Variants in CRCP observed in about 807,000 individuals in gnomAD.
CRCP encodes the protein DNA-directed RNA polymerase III subunit RPC9.
In CRCP, 18 loss-of-function variants were observed where a neutral mutation model predicts 18.5. The observed-to-expected ratio is 0.97, with a 90% confidence interval of 0.67 to 1.44. CRCP has a LOEUF of 1.44. CRCP is among the 40% of genes most tolerant of loss of function. CRCP has a pLI of 0.00. For missense variants in CRCP, 130 were observed against 176.4 expected (o/e 0.74, Z 1.49); for synonymous variants, 53 against 62.9 (o/e 0.84, Z 0.75).
chr7:66,152,286 G>C lies in CRCP; in HGVS notation c.376G>C (p.Ala126Pro), dbSNP rs748322865. 1 of 1,614,160 alleles carries C rather than the reference G, an allele frequency of 6.2e-7. No individual in the cohort carries two copies. Among genetic ancestry groups the C allele is most frequent in the South Asian group, 1.1e-5 (1 of 91,090 alleles). Residue 126 changes from alanine to proline, a missense_variant, in exon 6 of 6, where the codon GCA (alanine) becomes CCA (proline). Transcript: ENST00000395326. The part of the protein sequence containing the change: ...LLHTVTSILP[A>P]EPEAEQKKNT... ...CCACACCGTCACCAGCATTCTGCCT[G>C]CAGAGCCAGAGGCTGAGCAGAAGAA...
rs528131769 is a variant in CRCP, at chr7:66,151,312, G to GTAATCCCA, written c.298-895_298-888dup. 9.9e-5 allele frequency among the ~76,000 whole-genome samples: 15 copies of GTAATCCCA among 151,998 alleles called. No homozygotes were observed. In the East Asian group the frequency reaches 2.7e-3, roughly 27 times the overall value. ...GTGCCTGGCACAGTGGCTCACGCCT[G>GTAATCCCA]TAATCCCAGCACTTTGGGAGGCCAA... On this transcript the variant is annotated intron_variant, in intron 5 of 5. Coordinates refer to ENST00000395326, the MANE Select transcript of CRCP (RefSeq NM_014478.5).
intron 4 of CRCP, among the ~76,000 whole-genome samples, chr7:66,142,783 C>CTGG (rs1562770762): frequency 1.3e-5 from 2 of 152,302 alleles, no homozygotes; most frequent in East Asian, 3.9e-4. Context: ...AGATGTGAGC[C>CTGG]ACCGTGCCTG....
intron 1 of CRCP, among the ~76,000 whole-genome samples, chr7:66,115,514 A>C (rs1787232510): frequency 6.6e-6 from 1 of 152,104 alleles, no homozygotes; most frequent in African/African-American, 2.4e-5. Flanking sequence ...GTGAACCAGG[A>C]CTGGGACCAG....
At chr7:66,128,961 G>T (rs535257769) in intron 2 of CRCP, among the ~76,000 whole-genome samples, 1 of 152,170 alleles carries the variant, frequency 6.6e-6, no homozygotes, top group Non-Finnish European at 1.5e-5. Context: ...CACTTGGGAA[G>T]GCCAAGGAGA....
chr7:66,149,033 C>T (rs569248351), intron 5 of CRCP, among the ~76,000 whole-genome samples: 3 of 152,108 alleles, frequency 2.0e-5, no homozygotes, highest in Admixed American at 2.0e-4. Flanking sequence ...TTTTGGAGGT[C>T]GGCAACCCGG....
rs1787908272 is a variant in CRCP at position 66,134,393 on chromosome 7, T to C, written c.239+19T>C. On this transcript the variant is annotated intron_variant, in intron 4 of 5. Coordinates refer to ENST00000395326, the MANE Select transcript of CRCP (RefSeq NM_014478.5). ...TGACCAAGTAAGTAAATCTCTTAAG[T>C]AGGAAGAGCGTGACACATGGTGAAA... 1.3e-6 allele frequency: 2 copies of C among 1,511,194 alleles called. No homozygotes were observed. Among genetic ancestry groups the C allele is most frequent in the African/African-American group, 1.4e-5 (1 of 71,906 alleles). The allele number at this position is 1,511,194 out of a possible 1,614,324, so 93.6% of individuals were successfully genotyped here.
chr7:66,123,788 G>A (rs1037862991), intron 1 of CRCP, among the ~76,000 whole-genome samples: 2 of 149,270 alleles, frequency 1.3e-5, no homozygotes, highest in African/African-American at 4.9e-5. Flanking sequence ...CGCAGTGGCT[G>A]AGGCCTGTAA....
intron 5 of CRCP, among the ~76,000 whole-genome samples, chr7:66,146,536 T>C (rs1788304779): frequency 6.6e-6 from 1 of 152,230 alleles, no homozygotes; most frequent in African/African-American, 2.4e-5. Context: ...CTTAGCTCTT[T>C]GTCAAATTTC....
At chr7:66,120,193 GAAAAAA>G (rs199640381) in intron 1 of CRCP, among the ~76,000 whole-genome samples, 1 of 150,784 alleles carries the variant, frequency 6.6e-6, no homozygotes, top group East Asian at 1.9e-4. Flanking sequence ...CAAAAAAAAA[GAAAAAA>G]AGAAAAAGAA....
chr7:66,125,853 G>A (rs967541761), intron 1 of CRCP, among the ~76,000 whole-genome samples: 2 of 149,222 alleles, frequency 1.3e-5, no homozygotes, highest in Non-Finnish European at 1.5e-5. Context: ...ATTCCAGGAA[G>A]GGATGTTTTA....
At chr7:66,127,538 A>T (rs1787651744) in intron 1 of CRCP, among the ~76,000 whole-genome samples, 166 bp from the exon 2 acceptor site, 1 of 152,210 alleles carries the variant, frequency 6.6e-6, no homozygotes, top group Admixed American at 6.6e-5. Flanking sequence ...GCCCACAGCT[A>T]GCTAAACCAT....
intron 1 of CRCP, among the ~76,000 whole-genome samples, chr7:66,115,332 G>T (rs965553444): frequency 4.6e-5 from 7 of 152,196 alleles, no homozygotes; most frequent in African/African-American, 1.7e-4. Flanking sequence ...ATAAAGGCCT[G>T]AGTCTGTCCG....
At chr7:66,126,763 G>A in intron 1 of CRCP, 1 of 328,758 alleles carries the variant, frequency 3.0e-6, no homozygotes. Context: ...TAGTAGTAGT[G>A]ATAATGTTGG....
At chr7:66,125,786 C>T (rs550393271) in intron 1 of CRCP, among the ~76,000 whole-genome samples, 1 of 149,098 alleles carries the variant, frequency 6.7e-6, no homozygotes, top group Admixed American at 6.7e-5. Flanking sequence ...AGTGCACCTG[C>T]GATGGATCCA....
At chr7:66,146,734 T>G (rs1788309588) in intron 5 of CRCP, among the ~76,000 whole-genome samples, 1 of 152,178 alleles carries the variant, frequency 6.6e-6, no homozygotes, top group African/African-American at 2.4e-5. Context: ...AAGGGTGCCT[T>G]TCTCTGGGAA....
In CRCP at chr7:66,145,429, C is replaced by T. The variant is rs1449352574; in HGVS notation, c.240-14C>T. The T allele has an allele frequency of 6.2e-7, 1 of 1,613,654 alleles. No individual in the cohort carries two copies. The highest frequency in any genetic ancestry group is 1.7e-5 in the Admixed American group (1 of 60,008). On this transcript the variant is annotated splice_polypyrimidine_tract_variant and intron_variant, in intron 4 of 5. Coordinates refer to ENST00000395326, the MANE Select transcript of CRCP (RefSeq NM_014478.5). Reference sequence around the variant, plus strand: ...GGCTATGCGAGTTGTCAACGCTGTACTTTCCCTCCACAGAGCTGAGAAGCT... The same window carrying T: ...GGCTATGCGAGTTGTCAACGCTGTATTTTCCCTCCACAGAGCTGAGAAGCT...
Position 66,134,531 on chromosome 7 carries a change from A to G in CRCP, c.239+157A>G, listed in dbSNP as rs549748190. 1.6e-4 allele frequency: 76 copies of G among 482,428 alleles called. No homozygotes were observed. In the African/African-American group the frequency reaches 1.6e-3, roughly 10 times the overall value. The allele number at this position is 482,428 out of a possible 1,614,324, so 29.9% of individuals were successfully genotyped here. On this transcript the variant is annotated intron_variant, in intron 4 of 5. Coordinates refer to ENST00000395326, the MANE Select transcript of CRCP (RefSeq NM_014478.5). ...ACTGAAAGTTAGACATAGGGACTAG[A>G]GTAAGGAACAAATCTTTTTTTTTTT... is the stretch of plus-strand genomic sequence containing the variant.
intron 5 of CRCP, among the ~76,000 whole-genome samples, chr7:66,151,752 CTT>C (rs1170961958): frequency 2.6e-5 from 1 of 38,308 alleles, no homozygotes. Context: ...TTTTTCTTTT[CTT>C]TTTTTTTTTT....
At chr7:66,127,467 T>A (rs1430993447) in intron 1 of CRCP, among the ~76,000 whole-genome samples, 1 of 152,164 alleles carries the variant, frequency 6.6e-6, no homozygotes, top group African/African-American at 2.4e-5. Flanking sequence ...CAGATAGTAA[T>A]GGGGAGAGGA....
Sources: allele counts gnomAD v4.1 joint callset (sites outside exome capture counted in the v4.1 genomes callset), GRCh38; gene constraint gnomAD v4.1.1; transcripts MANE v1.5; gene names NCBI Gene and HGNC (gene_info 2026-07-23, HGNC 2026-07-21).